FLT1: variants seen among roughly 807,000 people sequenced by gnomAD.
FLT1 encodes vascular endothelial growth factor receptor 1.
FLT1 carries 49 observed loss-of-function variants against 156.3 expected under a neutral mutation model. The ratio of observed to expected loss-of-function variants is 0.31; its 90% confidence interval spans 0.25 to 0.40. The LOEUF is 0.40. FLT1 is among the 10% of genes least tolerant of loss of function. The pLI is 1.00. For synonymous variants in FLT1, 594 were observed against 583.8 expected (o/e 1.02, Z -0.25); for missense variants, 1,322 against 1,637.2 (o/e 0.81, Z 3.32).
rs74987100 is a variant in FLT1, at chr13:28,304,360, G to A, written c.3816-992C>T. Among the ~76,000 whole-genome samples the A allele has an allele frequency of 7.7e-3, 1,166 of 152,220 alleles. 20 individuals are homozygous for A. Among genetic ancestry groups the A allele is most frequent in the African/African-American group, 0.026 (1,097 of 41,544 alleles). ...GCTCATGTGAAAAGGAAACACACAC[G>A]CAGATGTTTGCCTGGAAATGCCCCT... is the stretch of plus-strand genomic sequence containing the variant. On this transcript the variant is annotated intron_variant, in intron 29 of 29. Coordinates refer to ENST00000282397, the MANE Select transcript of FLT1 (RefSeq NM_002019.4).
At chr13:28,350,221 C>T (rs746103763) in intron 15 of FLT1, among the ~76,000 whole-genome samples, 10 of 152,224 alleles carry the variant, frequency 6.6e-5, no homozygotes, top group Non-Finnish European at 1.0e-4. Flanking sequence ...GCATGATGTG[C>T]GTGAAAGGCC....
At chr13:28,349,793 C>T (rs894805956) in intron 15 of FLT1, among the ~76,000 whole-genome samples, 7 of 152,110 alleles carry the variant, frequency 4.6e-5, no homozygotes, top group Non-Finnish European at 8.8e-5. Flanking sequence ...AATACTTACA[C>T]ATTTAAGGAA....
chr13:28,478,660 T>C (rs1003872201), intron 1 of FLT1, among the ~76,000 whole-genome samples: 9 of 152,172 alleles, frequency 5.9e-5, no homozygotes, highest in Non-Finnish European at 7.4e-5. Flanking sequence ...GAATATGTCA[T>C]GGAGCTGTAA....
At chr13:28,360,207 G>A (rs545568624) in intron 14 of FLT1, among the ~76,000 whole-genome samples, 2 of 152,328 alleles carry the variant, frequency 1.3e-5, no homozygotes, top group South Asian at 4.1e-4. Flanking sequence ...TGAGGATGTG[G>A]AAAGAAGGGA....
chr13:28,344,472 C>T (rs189553107), intron 16 of FLT1, among the ~76,000 whole-genome samples: 286 of 149,280 alleles, frequency 1.9e-3, no homozygotes, highest in African/African-American at 7.2e-3. Flanking sequence ...CCAATCTCCC[C>T]TGACTGCTCC....
chr13:28,437,605 G>A (rs546519288), intron 4 of FLT1, among the ~76,000 whole-genome samples: 37 of 152,160 alleles, frequency 2.4e-4, no homozygotes, highest in Non-Finnish European at 5.3e-4. Context: ...TTTAGTTTTT[G>A]TCTTTATTAG....
At chr13:28,331,559 T>G (rs939416543) in intron 18 of FLT1, among the ~76,000 whole-genome samples, 9 of 152,178 alleles carry the variant, frequency 5.9e-5, no homozygotes, top group African/African-American at 2.2e-4. Flanking sequence ...GCCTCTCAAG[T>G]AGCTGGGACT....
At chr13:28,361,142 G>C (rs1301926376) in intron 14 of FLT1, among the ~76,000 whole-genome samples, 1 of 152,054 alleles carries the variant, frequency 6.6e-6, no homozygotes, top group Non-Finnish European at 1.5e-5. Context: ...AGCCGGGCGT[G>C]GTGGCTCATG....
At chr13:28,447,410 C>T (rs1318692535) in intron 3 of FLT1, among the ~76,000 whole-genome samples, 1 of 151,782 alleles carries the variant, frequency 6.6e-6, no homozygotes, top group African/African-American at 2.4e-5. Flanking sequence ...TGGTCTCAAA[C>T]TCCTGGGCTC....
chr13:28,486,796 G>T (rs898363266), intron 1 of FLT1, among the ~76,000 whole-genome samples: 1 of 152,194 alleles, frequency 6.6e-6, no homozygotes, highest in African/African-American at 2.4e-5. Context: ...CTCGTAAATA[G>T]TTTCTTCCAC....
chr13:28,346,360 T>C (rs879377493), intron 15 of FLT1: 10 of 152,228 alleles, frequency 6.6e-5, no homozygotes, highest in Admixed American at 5.9e-4. Flanking sequence ...CAGAACAGTA[T>C]TGATTCTTGT....
chr13:28,308,788 G>T, intron 28 of FLT1, 55 bp downstream of exon 28: 2 of 1,053,778 alleles, frequency 1.9e-6, no homozygotes, highest in Non-Finnish European at 3.0e-6. Context: ...GTTTGGAAGG[G>T]ATCTGAAGAA....
chr13:28,357,540 A>G lies in FLT1; in HGVS notation c.2248+14T>C. On this transcript the variant is annotated intron_variant, in intron 15 of 29. Transcript: ENST00000282397. The stretch of plus-strand genomic sequence containing the variant: ...CTGACCAATTTCTTGTTGCTTTCTT[A>G]AGCAGCTGTTTACCTTGAACAGTGA... The G allele has an allele frequency of 1.2e-6, 2 of 1,613,970 alleles. No homozygotes were observed. Among genetic ancestry groups the G allele is most frequent in the Non-Finnish European group, 1.7e-6 (2 of 1,179,846 alleles).
At position 28,431,189 on chromosome 13, in the gene FLT1, C is replaced by T. The variant is rs371426326; in HGVS notation, c.935G>A (p.Arg312His). The change falls in exon 7 of 30, where the codon CGT (arginine) becomes CAT (histidine). Residue 312 changes from arginine to histidine, a missense_variant. By Grantham distance (29) the Arg-to-His change is conservative. Around this residue, in one of 3 missense-constraint regions of FLT1, gnomAD observed 991 missense variants for 1,254.8 expected, o/e 0.79. Transcript: ENST00000282397. Reference protein sequence around the residue: ...QNKDKGLYTCRVRSGPSFKSV... With the variant: ...QNKDKGLYTCHVRSGPSFKSV... ...TTTGAATGATGGTCCACTCCTTACA[C>T]GACAAGTATAAAGTCCTTTGTCTTT... The T allele has an allele frequency of 1.9e-5, 30 of 1,613,690 alleles. No homozygotes were observed. The highest frequency in any genetic ancestry group is 4.5e-5 in the East Asian group (2 of 44,876).
intron 22 of FLT1, among the ~76,000 whole-genome samples, chr13:28,321,956 T>C (rs529921502): frequency 2.0e-5 from 3 of 152,242 alleles, no homozygotes; most frequent in Non-Finnish European, 4.4e-5. Context: ...AGCTCTCCTA[T>C]GAAGTCATGT....
rs372478715 is a variant in FLT1, at chr13:28,320,303, C to T, written c.3175-769G>A. On this transcript the variant is annotated intron_variant, in intron 23 of 29. Coordinates refer to ENST00000282397, the MANE Select transcript of FLT1 (RefSeq NM_002019.4). ...AGGGCCCCAAGGAAAGTCTGTTTTC[C>T]TTTATTTTTATTTTTTTATTTTTAC... Among the ~76,000 whole-genome samples the T allele has an allele frequency of 4.6e-5, 7 of 152,208 alleles. No homozygotes were observed. The South Asian group carries it at 1.5e-3, about 32-fold the overall frequency.
intron 24 of FLT1, among the ~76,000 whole-genome samples, chr13:28,319,085 A>C (rs1022216493): frequency 6.6e-5 from 10 of 152,168 alleles, no homozygotes; most frequent in African/African-American, 2.2e-4. Flanking sequence ...TAAGGGCATT[A>C]GAGGTGTGGG....
chr13:28,427,846 G>T lies in FLT1; in HGVS notation c.1182C>A (p.Asp394Glu), dbSNP rs775108754. 5.0e-6 allele frequency: 8 copies of T among 1,613,604 alleles called. No homozygotes were observed. The highest frequency in any genetic ancestry group is 6.8e-6 in the Non-Finnish European group (8 of 1,179,710). Residue 394 changes from aspartate (D) to glutamate (E), a missense_variant, in exon 9 of 30, where the codon GAC (aspartate) becomes GAA (glutamate). By Grantham distance (45) the Asp-to-Glu change is conservative. Around this residue, in one of 3 missense-constraint regions of FLT1, gnomAD observed 991 missense variants for 1,254.8 expected, o/e 0.79. Coordinates refer to ENST00000282397, the MANE Select transcript of FLT1 (RefSeq NM_002019.4). ...AATTCCCTGCATCCTCTTCAGTTAC[G>T]TCCTTGATAATTAACGAGTAGCCAC... ...LTRGYSLIIK[D>E]VTEEDAGNYT...
At chr13:28,434,003 A>G in intron 5 of FLT1, 48 bp from the exon 6 acceptor site, 1 of 1,613,826 alleles carries the variant, frequency 6.2e-7, no homozygotes, top group Non-Finnish European at 8.5e-7. Flanking sequence ...TTCATTACAC[A>G]GATAAAAATA....
Sources: gnomAD v4.1 joint callset for allele counts (sites outside exome capture counted in the v4.1 genomes callset) on GRCh38, gnomAD v4.1.1 for gene constraint, gnomAD v4.1.1 regional missense constraint, MANE v1.5 for transcripts, NCBI Gene and HGNC (gene_info 2026-07-23, HGNC 2026-07-21) for gene names.